KAZN: variants seen among roughly 807,000 people sequenced by gnomAD.
KAZN encodes kazrin, periplakin interacting protein, also known as kazrin.
KAZN carries 40 observed loss-of-function variants against 87.4 expected under a neutral mutation model. The observed-to-expected ratio is 0.46, with a 90% confidence interval of 0.36 to 0.60. The LOEUF (loss-of-function observed/expected upper bound fraction) is 0.60, where lower values mean the gene tolerates loss of function less well. Among genes scored for constraint, KAZN ranks in the 20% least tolerant of loss-of-function variants. The pLI, the probability that KAZN is intolerant of heterozygous loss-of-function variation, is 0.00. For synonymous variants in KAZN, 466 were observed against 458.3 expected (o/e 1.02, Z -0.22); for missense variants, 898 against 1,073.9 (o/e 0.84, Z 2.29).
intron 1 of KAZN, among the ~76,000 whole-genome samples, chr1:13,998,966 G>A (rs1389582848): frequency 6.6e-6 from 1 of 152,190 alleles, no homozygotes; most frequent in Non-Finnish European, 1.5e-5. Flanking sequence ...ATAATTGAAA[G>A]TAAAACACTC....
chr1:14,724,107 A>G (rs1643261376), intron 1 of KAZN, among the ~76,000 whole-genome samples: 1 of 152,226 alleles, frequency 6.6e-6, no homozygotes, highest in African/African-American at 2.4e-5. Flanking sequence ...CAAAGAAAGC[A>G]CACAGGGCAA....
At chr1:14,707,876 ACATGCCAAGCACTGCACTGGCTCTG>A (rs1642291545) in intron 1 of KAZN, among the ~76,000 whole-genome samples, 1 of 152,234 alleles carries the variant, frequency 6.6e-6, no homozygotes, top group Non-Finnish European at 1.5e-5. Context: ...TACCAATGCT[ACATGCCAAGCACTGCACTGGCTCTG>A]GAAGTGCAGA....
chr1:14,403,063 G>A (rs1251420017), intron 2 of KAZN, among the ~76,000 whole-genome samples: 4 of 152,128 alleles, frequency 2.6e-5, no homozygotes, highest in Admixed American at 2.6e-4. Flanking sequence ...CTGGCCTCAA[G>A]TGATCCACCC....
At chr1:14,603,017 G>C (rs1489815996) in intron 1 of KAZN, among the ~76,000 whole-genome samples, 1 of 152,120 alleles carries the variant, frequency 6.6e-6, no homozygotes, top group South Asian at 2.1e-4. Context: ...ATTAAAATAG[G>C]CTGTTACTTA....
chr1:14,289,208 A>G (rs2100740601), intron 2 of KAZN, among the ~76,000 whole-genome samples: 1 of 152,346 alleles, frequency 6.6e-6, no homozygotes, highest in Middle Eastern at 3.4e-3. Flanking sequence ...TGCTTGGTGC[A>G]GAGCTGGGTT....
At chr1:14,933,434 G>A (rs919428925) in intron 1 of KAZN, among the ~76,000 whole-genome samples, 5 of 152,110 alleles carry the variant, frequency 3.3e-5, no homozygotes, top group Admixed American at 6.5e-5. Flanking sequence ...CTGCCCCACC[G>A]CTGATGGTCC....
chr1:14,721,040 C>T (rs1279911377), intron 1 of KAZN, among the ~76,000 whole-genome samples: 1 of 152,194 alleles, frequency 6.6e-6, no homozygotes, highest in Non-Finnish European at 1.5e-5. Context: ...GCAAAGAGCA[C>T]TATCTATTTA....
chr1:15,097,708 C>G (rs1053732251), intron 10 of KAZN, among the ~76,000 whole-genome samples: 1 of 152,132 alleles, frequency 6.6e-6, no homozygotes, highest in East Asian at 1.9e-4. Flanking sequence ...ATCCCAGCTA[C>G]TCAGGAGGCT....
At chr1:14,244,033 CATAG>C (rs1285918363) in intron 2 of KAZN, among the ~76,000 whole-genome samples, 1 of 152,194 alleles carries the variant, frequency 6.6e-6, no homozygotes, top group African/African-American at 2.4e-5. Context: ...AATCTATCTT[CATAG>C]ATAAAGTAAT....
At chr1:14,864,761 C>T (rs1052276480) in intron 1 of KAZN, among the ~76,000 whole-genome samples, 10 of 152,126 alleles carry the variant, frequency 6.6e-5, no homozygotes, top group African/African-American at 2.4e-4. Flanking sequence ...AGGACGGGCT[C>T]TGGATTCAGA....
chr1:14,558,148 A>G (rs1674025237), intron 2 of KAZN, among the ~76,000 whole-genome samples: 1 of 152,198 alleles, frequency 6.6e-6, no homozygotes, highest in South Asian at 2.1e-4. Context: ...CCCTTCCTAA[A>G]TTCTGCAGAG....
At chr1:13,953,842 A>G (rs1261923753) in intron 1 of KAZN, among the ~76,000 whole-genome samples, 1 of 152,186 alleles carries the variant, frequency 6.6e-6, no homozygotes, top group Non-Finnish European at 1.5e-5. Flanking sequence ...TAATCTCAAA[A>G]GACAAAATTC....
At chr1:14,462,422 C>A (rs1279217107) in intron 2 of KAZN, among the ~76,000 whole-genome samples, 1 of 152,074 alleles carries the variant, frequency 6.6e-6, no homozygotes, top group Non-Finnish European at 1.5e-5. Context: ...TAATAAAGGT[C>A]AACATTTTAA....
At chr1:14,472,330 C>CA (rs1668500578) in intron 2 of KAZN, among the ~76,000 whole-genome samples, 1 of 152,214 alleles carries the variant, frequency 6.6e-6, no homozygotes, top group African/African-American at 2.4e-5. Flanking sequence ...CTTCAAATGA[C>CA]AAACATTTTA....
At position 15,065,743 on chromosome 1, in the gene KAZN, C is replaced by T. The variant is rs748890746; in HGVS notation, c.1212C>T (p.Gly404=). Residue 404 remains glycine, a synonymous_variant, in exon 8 of 15, where the codon GGC becomes GGT. Transcript: ENST00000376030. ...AGCAGCGGAAGTCCCTCGACCCCGGCCTCTTTGATGGTACCGCCCCTGATT... is the reference window on the plus strand; with the variant it reads ...AGCAGCGGAAGTCCCTCGACCCCGGTCTCTTTGATGGTACCGCCCCTGATT... ...RGKQRKSLDP[G]LFDDSDSQCS... is the part of the protein sequence containing the mutation. 22 of 1,614,264 alleles carry T rather than the reference C, an allele frequency of 1.4e-5. No individual in the cohort carries two copies. In the South Asian group the frequency reaches 1.8e-4, roughly 13 times the overall value.
chr1:14,835,479 C>G (rs983460273), intron 1 of KAZN, among the ~76,000 whole-genome samples: 1 of 152,130 alleles, frequency 6.6e-6, no homozygotes, highest in African/African-American at 2.4e-5. Context: ...CTGATTGGAA[C>G]ACGGGATCAA....
At chr1:14,259,991 G>A (rs1650883476) in intron 2 of KAZN, among the ~76,000 whole-genome samples, 1 of 152,196 alleles carries the variant, frequency 6.6e-6, no homozygotes, top group African/African-American at 2.4e-5. Context: ...ATGGAACGGG[G>A]TTGTGGACTC....
intron 5 of KAZN, among the ~76,000 whole-genome samples, chr1:15,057,406 G>A (rs1167501706): frequency 2.6e-5 from 4 of 152,158 alleles, no homozygotes; most frequent in Non-Finnish European, 5.9e-5. Flanking sequence ...AATGGGGCTG[G>A]GATCATGGTC....
chr1:13,947,977 A>G (rs1297705412), intron 1 of KAZN, among the ~76,000 whole-genome samples: 1 of 152,180 alleles, frequency 6.6e-6, no homozygotes, highest in East Asian at 1.9e-4. Context: ...TAGGATGTCA[A>G]CATATGAATT....
Sources: gnomAD v4.1 joint callset for allele counts (sites outside exome capture counted in the v4.1 genomes callset) on GRCh38, gnomAD v4.1.1 for gene constraint, MANE v1.5 for transcripts, NCBI Gene and HGNC (gene_info 2026-07-23, HGNC 2026-07-21) for gene names.